TMPRSS11A: variants seen among roughly 807,000 people sequenced by gnomAD.
The protein encoded by TMPRSS11A is transmembrane serine protease 11A.
TMPRSS11A carries 53 observed loss-of-function variants against 58.9 expected under a neutral mutation model. The ratio of observed to expected loss-of-function variants is 0.90; its 90% CI spans 0.72 to 1.13. The LOEUF is 1.13. TMPRSS11A is among the 50% of genes most tolerant of loss of function. The pLI, the probability that TMPRSS11A is intolerant of heterozygous loss-of-function variation, is 0.00. For synonymous variants in TMPRSS11A, 167 were observed against 169.8 expected, an observed-to-expected ratio of 0.98 and a Z score of 0.13; for missense variants, 493 against 499.3, an observed-to-expected ratio of 0.99 and a Z score of 0.12.
rs900229598 is a variant in TMPRSS11A at position 67,953,490 on chromosome 4, G to A, written c.12-6919C>T. Among the ~76,000 whole-genome samples the A allele has an allele frequency of 2.0e-5, 3 of 152,022 alleles. No individual in the cohort carries two copies. In the South Asian group the frequency reaches 6.2e-4, roughly 32 times the overall value. On this transcript the variant is annotated intron_variant, in intron 1 of 9. Coordinates refer to ENST00000508048, the MANE Select transcript of TMPRSS11A (RefSeq NM_001114387.2). Reference sequence around the variant, plus strand: ...TACTTTTTTACTCCCATCTCTACTGGGATGGTGGTAAAAAATTATTTCTTG... The same window carrying A: ...TACTTTTTTACTCCCATCTCTACTGAGATGGTGGTAAAAAATTATTTCTTG...
chr4:67,953,158 GT>G lies in TMPRSS11A; in HGVS notation c.12-6588del, dbSNP rs1721204871. On this transcript the variant is annotated intron_variant, in intron 1 of 9. Coordinates refer to ENST00000508048, the MANE Select transcript of TMPRSS11A (RefSeq NM_001114387.2). ...TCTAACAGGAGGGAGAGCTTGGGTGGTAATGCTCACTTGCCTACTGCTCACC... is the reference window on the plus strand; with the variant it reads ...TCTAACAGGAGGGAGAGCTTGGGTGGAATGCTCACTTGCCTACTGCTCACC... Among the ~76,000 whole-genome samples the G allele has an allele frequency of 2.0e-5, 3 of 152,144 alleles. No individual in the cohort carries two copies. The South Asian group carries it at 6.2e-4, about 32-fold the overall frequency.
chr4:67,956,557 T>C (rs1367963285), intron 1 of TMPRSS11A, among the ~76,000 whole-genome samples: 1 of 152,134 alleles, frequency 6.6e-6, no homozygotes. Context: ...GGCAACATTT[T>C]CCCCCTATAA....
chr4:67,918,206 C>T (rs1393864204), intron 8 of TMPRSS11A, among the ~76,000 whole-genome samples: 1 of 152,174 alleles, frequency 6.6e-6, no homozygotes, highest in African/African-American at 2.4e-5. Flanking sequence ...GTTAAAGAAA[C>T]TCTCTAGCTT....
At chr4:67,935,310 C>T (rs553478546) in intron 3 of TMPRSS11A, among the ~76,000 whole-genome samples, 13 of 152,284 alleles carry the variant, frequency 8.5e-5, no homozygotes, top group African/African-American at 2.9e-4. Flanking sequence ...TGCATACTCA[C>T]GCCTCTCAGG....
intron 3 of TMPRSS11A, among the ~76,000 whole-genome samples, chr4:67,939,849 C>T (rs555119916): frequency 4.6e-5 from 7 of 152,040 alleles, no homozygotes; most frequent in Admixed American, 2.6e-4. Flanking sequence ...CCACCATGCC[C>T]GGCTAATTTT....
intron 7 of TMPRSS11A, among the ~76,000 whole-genome samples, chr4:67,921,233 ACC>A (rs1441736471): frequency 6.6e-6 from 1 of 152,206 alleles, no homozygotes; most frequent in African/African-American, 2.4e-5. Context: ...ACTTTGAAAA[ACC>A]AGACACCAGC....
intron 1 of TMPRSS11A, among the ~76,000 whole-genome samples, chr4:67,956,627 TGCACGAAATGATTCAAATTTA>T (rs1270156312): frequency 6.6e-6 from 1 of 152,204 alleles, no homozygotes; most frequent in African/African-American, 2.4e-5. Context: ...TGAGATAATT[TGCACGAAATGATTCAAATTTA>T]GTAAGTGTAT....
At chr4:67,957,839 A>T (rs1459317145) in intron 1 of TMPRSS11A, among the ~76,000 whole-genome samples, 1 of 152,108 alleles carries the variant, frequency 6.6e-6, no homozygotes, top group Non-Finnish European at 1.5e-5. Context: ...AGGAAAAAAT[A>T]GTTTCATGGG....
At chr4:67,916,853 A>T (rs2109734916) in intron 8 of TMPRSS11A, among the ~76,000 whole-genome samples, 1 of 152,174 alleles carries the variant, frequency 6.6e-6, no homozygotes, top group African/African-American at 2.4e-5. Flanking sequence ...TAAAAATAAA[A>T]ATAAAATAAT....
intron 9 of TMPRSS11A, among the ~76,000 whole-genome samples, chr4:67,913,211 TG>T (rs1435396556): frequency 6.6e-6 from 1 of 152,078 alleles, no homozygotes; most frequent in East Asian, 1.9e-4. Flanking sequence ...GTTCATAGGT[TG>T]GGGAAACTTA....
chr4:67,915,548 G>A (rs191030313), intron 8 of TMPRSS11A, among the ~76,000 whole-genome samples: 2 of 152,262 alleles, frequency 1.3e-5, no homozygotes, highest in Admixed American at 6.5e-5. Context: ...TTACAGATGC[G>A]ATTAAGACCT....
intron 6 of TMPRSS11A, 149 bp downstream of exon 6, chr4:67,923,978 AG>A: frequency 1.3e-6 from 1 of 751,436 alleles, no homozygotes; most frequent in Non-Finnish European, 2.3e-6. Flanking sequence ...TCCATGAGTT[AG>A]AAAAAAAATG....
chr4:67,930,116 T>C, intron 4 of TMPRSS11A, 76 bp from the exon 5 acceptor site: 1 of 1,349,966 alleles, frequency 7.4e-7, no homozygotes, highest in Non-Finnish European at 1.0e-6. Flanking sequence ...TGTATCTTCC[T>C]CCCCTGAATG....
At chr4:67,934,684 AG>A (rs1408557518) in intron 3 of TMPRSS11A, among the ~76,000 whole-genome samples, 2 of 152,256 alleles carry the variant, frequency 1.3e-5, no homozygotes, top group Non-Finnish European at 1.5e-5. Context: ...AAGTTCCAAG[AG>A]GGCAATTGAA....
chr4:67,928,661 T>G (rs1019406387), intron 5 of TMPRSS11A, among the ~76,000 whole-genome samples: 1 of 152,256 alleles, frequency 6.6e-6, no homozygotes, highest in African/African-American at 2.4e-5. Flanking sequence ...TCCTCCCTTC[T>G]GGCTGGGAGA....
chr4:67,917,141 CTTA>C (rs1376214447), intron 8 of TMPRSS11A, among the ~76,000 whole-genome samples: 1 of 151,318 alleles, frequency 6.6e-6, no homozygotes, highest in African/African-American at 2.4e-5. Context: ...TATTCTTATT[CTTA>C]TTATTTCCTT....
At position 67,922,897 on chromosome 4, in the gene TMPRSS11A, C is replaced by T. The variant is rs1276634939; in HGVS notation, c.550G>A (p.Val184Ile). The T allele has an allele frequency of 7.4e-6, 12 of 1,614,058 alleles. No individual in the cohort carries two copies. Among genetic ancestry groups the T allele is most frequent in the African/African-American group, 2.7e-5 (2 of 75,002 alleles). ...SCGKRVVPLNVNRIASGVIAP... is the reference protein window; with the variant it reads ...SCGKRVVPLNINRIASGVIAP... ...ATGACTCCAGATGCTATTCTGTTGA[C>T]GTTTAATGGAACAACTCGTTTACCA... is the stretch of plus-strand genomic sequence containing the variant. Residue 184 changes from valine to isoleucine, a missense_variant, in exon 7 of 10, where the codon GTC becomes ATC. Transcript: ENST00000508048.
chr4:67,916,240 A>T (rs371083474), intron 8 of TMPRSS11A, among the ~76,000 whole-genome samples: 1 of 152,176 alleles, frequency 6.6e-6, no homozygotes, highest in Non-Finnish European at 1.5e-5. Context: ...TATGTTGCAC[A>T]TGGTAAGTAC....
At chr4:67,934,548 T>A (rs1720705260) in intron 3 of TMPRSS11A, among the ~76,000 whole-genome samples, 1 of 152,170 alleles carries the variant, frequency 6.6e-6, no homozygotes, top group Non-Finnish European at 1.5e-5. Flanking sequence ...CCTATCTCTC[T>A]CTTTAGGGCA....
Sources: allele counts gnomAD v4.1 joint callset (sites outside exome capture counted in the v4.1 genomes callset), GRCh38; gene constraint gnomAD v4.1.1; transcripts MANE v1.5; gene names NCBI Gene and HGNC (gene_info 2026-07-23, HGNC 2026-07-21).